The following PAK3 variants were observed in gnomAD, a reference collection of about 807,000 sequenced individuals.
The protein encoded by PAK3 is p21 (RAC1) activated kinase 3.
PAK3 carries 4 observed loss-of-function variants against 41.0 expected under a neutral mutation model. The ratio of observed to expected loss-of-function variants is 0.10; its 90% CI spans 0.05 to 0.22. The LOEUF is 0.22. Among genes scored for constraint, PAK3 ranks in the 10% least tolerant of loss-of-function variants. The probability of loss-of-function intolerance (pLI) is 1.00; values close to 1 mark genes in which losing one functional copy is unlikely to be tolerated. For synonymous variants in PAK3, 146 were observed against 139.6 expected (o/e 1.05, Z -0.32); for missense variants, 205 against 409.9 (o/e 0.50, Z 4.32).
intron 6 of PAK3, among the ~76,000 whole-genome samples, chrX:111,145,151 G>T (rs2093926714): frequency 8.9e-6 from 1 of 111,987 alleles, no homozygotes. Flanking sequence ...GTGGCATAAT[G>T]AGATGGCTTT....
chrX:110,947,835 G>C (rs1325937793), intron 1 of PAK3, among the ~76,000 whole-genome samples: 1 of 111,213 alleles, frequency 9.0e-6, no homozygotes, highest in African/African-American at 3.3e-5. Flanking sequence ...TGGATGACTC[G>C]CTTTACCCCT....
At chrX:110,974,973 A>T (rs1459581798) in intron 1 of PAK3, among the ~76,000 whole-genome samples, 1 of 111,830 alleles carries the variant, frequency 8.9e-6, no homozygotes, top group East Asian at 2.8e-4. Flanking sequence ...ATATAATAAG[A>T]GCTATTTATG....
At chrX:111,070,437 G>T (rs945857674) in intron 1 of PAK3, among the ~76,000 whole-genome samples, 3 of 111,827 alleles carry the variant, frequency 2.7e-5, no homozygotes, top group East Asian at 5.6e-4. Flanking sequence ...CCTTTCTAAG[G>T]CTGAGCCACA....
At chrX:110,987,025 G>A (rs760835433) in intron 1 of PAK3, among the ~76,000 whole-genome samples, 2 of 111,824 alleles carry the variant, frequency 1.8e-5, no homozygotes, top group South Asian at 7.5e-4. Flanking sequence ...GGATAAATGA[G>A]GGCCATTCAT....
intron 1 of PAK3, among the ~76,000 whole-genome samples, chrX:111,024,280 G>C (rs1027616467): frequency 1.8e-5 from 2 of 111,718 alleles, no homozygotes; most frequent in African/African-American, 6.5e-5. Context: ...GGACCATGCT[G>C]TTTTGGTTAC....
At chrX:111,185,989 C>T (rs1450566360) in intron 11 of PAK3, among the ~76,000 whole-genome samples, 1 of 111,289 alleles carries the variant, frequency 9.0e-6, no homozygotes, top group Non-Finnish European at 1.9e-5. Context: ...GCTGGTTCAA[C>T]ATACAAAAAT....
chrX:110,966,304 C>T (rs1177482687), intron 1 of PAK3, among the ~76,000 whole-genome samples: 2 of 110,941 alleles, frequency 1.8e-5, no homozygotes, highest in Non-Finnish European at 3.8e-5. Flanking sequence ...CCCAGAGCAG[C>T]TTTTCATCTC....
intron 1 of PAK3, among the ~76,000 whole-genome samples, chrX:111,047,528 T>A (rs992475887): frequency 9.1e-6 from 1 of 110,227 alleles, no homozygotes; most frequent in African/African-American, 3.3e-5. Context: ...TTTCAACAGG[T>A]AGAACTGAGG....
intron 1 of PAK3, among the ~76,000 whole-genome samples, chrX:111,046,933 G>A (rs1394605117): frequency 9.0e-6 from 1 of 111,425 alleles, no homozygotes; most frequent in Non-Finnish European, 1.9e-5. Context: ...TGCATGCCAG[G>A]GCACATAACC....
At chrX:111,163,833 C>A in intron 10 of PAK3, 106 bp downstream of exon 10, 1 of 636,297 alleles carries the variant, frequency 1.6e-6, no homozygotes, top group East Asian at 3.3e-5. Flanking sequence ...ATATGAACTC[C>A]AGACTTCCCA....
intron 1 of PAK3, among the ~76,000 whole-genome samples, chrX:110,964,562 A>G (rs1454556178): frequency 8.9e-6 from 1 of 112,155 alleles, no homozygotes; most frequent in East Asian, 2.8e-4. Context: ...AACTCCAGGG[A>G]GCACTGTTCA....
intron 1 of PAK3, among the ~76,000 whole-genome samples, chrX:111,018,647 C>T (rs755329984): frequency 1.1e-4 from 12 of 111,690 alleles, no homozygotes; most frequent in Non-Finnish European, 2.3e-4. Context: ...AAAGACTTAA[C>T]ATATTTATGA....
intron 11 of PAK3, among the ~76,000 whole-genome samples, chrX:111,188,510 G>T (rs1022447859): frequency 1.1e-4 from 12 of 111,619 alleles, no homozygotes; most frequent in Admixed American, 7.6e-4. Context: ...ACTTCCCTAG[G>T]GGGGGAGAAA....
intron 5 of PAK3, among the ~76,000 whole-genome samples, chrX:111,124,020 G>A (rs1231807833): frequency 8.9e-6 from 1 of 111,815 alleles, no homozygotes; most frequent in Non-Finnish European, 1.9e-5. Flanking sequence ...CAAGGGCACT[G>A]ACACCATAGA....
chrX:111,211,076 C>T lies in PAK3; in HGVS notation c.1408-5345C>T, dbSNP rs184854447. On this transcript the variant is annotated intron_variant, in intron 16 of 17. Transcript: ENST00000372007. ...AGGCAAATGAGGATAGCATTTTAGG[C>T]AGCAATGAAAGGCATTTCCTATTCA... Among the ~76,000 whole-genome samples the T allele has an allele frequency of 1.2e-3, 132 of 111,547 alleles. 1 individual carries two copies. The highest frequency in any genetic ancestry group is 4.1e-3 in the African/African-American group (127 of 30,738).
chrX:110,968,076 T>C (rs2091119217), intron 1 of PAK3, among the ~76,000 whole-genome samples: 1 of 112,638 alleles, frequency 8.9e-6, no homozygotes, highest in Admixed American at 9.4e-5. Flanking sequence ...AGTGAAACAA[T>C]ATATTATGTG....
intron 4 of PAK3, among the ~76,000 whole-genome samples, chrX:111,105,633 A>G (rs2093242885): frequency 8.9e-6 from 1 of 111,778 alleles, no homozygotes; most frequent in Admixed American, 9.5e-5. Context: ...TTTTGCATTC[A>G]CATACACAGA....
chrX:111,000,024 T>C (rs181564013), intron 1 of PAK3, among the ~76,000 whole-genome samples: 12 of 111,651 alleles, frequency 1.1e-4, no homozygotes, highest in African/African-American at 3.9e-4. Flanking sequence ...ATCCAAATAT[T>C]ATATCCATAT....
chrX:110,984,335 C>T (rs1196396076), intron 1 of PAK3, among the ~76,000 whole-genome samples: 2 of 112,052 alleles, frequency 1.8e-5, no homozygotes, highest in African/African-American at 6.5e-5. Context: ...CACACACACA[C>T]ATACACACAC....
Sources: gnomAD v4.1 joint callset for allele counts (sites outside exome capture counted in the v4.1 genomes callset) on GRCh38, gnomAD v4.1.1 for gene constraint, MANE v1.5 for transcripts, NCBI Gene and HGNC (gene_info 2026-07-23, HGNC 2026-07-21) for gene names.